The following PKHD1 variants were observed in gnomAD, a reference collection of about 807,000 sequenced individuals.
PKHD1 encodes the protein fibrocystin.
PKHD1 carries 291 observed loss-of-function variants against 412.0 expected under a neutral mutation model. The observed-to-expected ratio is 0.71, with a 90% CI of 0.64 to 0.78. The LOEUF is 0.78. Ranked by LOEUF, PKHD1 falls within the 30% of genes least tolerant of loss-of-function variation. The pLI is 0.00. For synonymous variants in PKHD1, 1,777 were observed against 1,821.5 expected, an observed-to-expected ratio of 0.98 and a Z score of 0.62; for missense variants, 4,825 against 4,950.7, an observed-to-expected ratio of 0.97 and a Z score of 0.76.
intron 64 of PKHD1, among the ~76,000 whole-genome samples, chr6:51,633,468 C>T (rs562304940): frequency 1.9e-4 from 29 of 152,180 alleles, no homozygotes; most frequent in Non-Finnish European, 4.1e-4. Flanking sequence ...CCCAAATGTC[C>T]TTGAGCAGGG....
At chr6:52,070,583 C>T (rs184333969) in intron 9 of PKHD1, 138 bp from the exon 10 acceptor site, 34 of 668,312 alleles carry the variant, frequency 5.1e-5, no homozygotes, top group East Asian at 4.8e-4. Context: ...GGTTCCCCCC[C>T]GCAAAAACAA....
At chr6:51,724,296 T>C (rs1024398151) in intron 60 of PKHD1, among the ~76,000 whole-genome samples, 1 of 152,172 alleles carries the variant, frequency 6.6e-6, no homozygotes, top group Non-Finnish European at 1.5e-5. Flanking sequence ...CAAACAATTA[T>C]CTAGTCTTTG....
chr6:51,753,484 GCTTTT>G, intron 56 of PKHD1, 131 bp from the exon 57 acceptor site: 2 of 751,918 alleles, frequency 2.7e-6, no homozygotes, highest in Non-Finnish European at 4.7e-6. Flanking sequence ...ATTAAGGTCT[GCTTTT>G]CCTGGGGCAT....
At chr6:52,033,841 C>T (rs2128165018) in intron 28 of PKHD1, among the ~76,000 whole-genome samples, 2 of 152,084 alleles carry the variant, frequency 1.3e-5, no homozygotes, top group Admixed American at 1.3e-4. Flanking sequence ...ATAAGAAAGA[C>T]ATGTTAGCCA....
Position 51,969,304 on chromosome 6 carries a change from G to A in PKHD1, c.5752-9278C>T, listed in dbSNP as rs964236563. ...GACAACCTGAATGAACTTGGAGGTA[G>A]ACCTTGAATTCCAGATGAGAATGTA... is the stretch of plus-strand genomic sequence containing the variant. On this transcript the variant is annotated intron_variant, in intron 35 of 66. Coordinates refer to ENST00000371117, the MANE Select transcript of PKHD1 (RefSeq NM_138694.4). Among the ~76,000 whole-genome samples, 62 of 152,204 alleles carry A rather than the reference G, an allele frequency of 4.1e-4. 1 individual carries two copies. The highest frequency in any genetic ancestry group is 3.1e-3 in the Admixed American group (48 of 15,278).
At chr6:51,786,731 T>C (rs568924685) in intron 53 of PKHD1, among the ~76,000 whole-genome samples, 1 of 152,184 alleles carries the variant, frequency 6.6e-6, no homozygotes, top group African/African-American at 2.4e-5. Flanking sequence ...GTCACACTAT[T>C]TTATTGAGAC....
Position 51,912,570 on chromosome 6 carries a change from A to G in PKHD1, c.6128T>C (p.Leu2043Pro). ...AAGACAGGTGACAATTACTTCTGGT[A>G]GTGAACCTAAAGCAGCCCGAGGAAA... ...RNGTLSLHGS[L>P]PEVIVTCLRA... Residue 2043 changes from leucine (L) to proline (P), a missense_variant, in exon 38 of 67, where the codon CTA (leucine) becomes CCA (proline). Coordinates refer to ENST00000371117, the MANE Select transcript of PKHD1 (RefSeq NM_138694.4). 1 of 1,610,430 alleles carries G rather than the reference A, an allele frequency of 6.2e-7. No homozygotes were observed. Among genetic ancestry groups the G allele is most frequent in the Non-Finnish European group, 8.5e-7 (1 of 1,176,904 alleles).
chr6:51,993,994 C>T (rs1157592665), intron 35 of PKHD1, among the ~76,000 whole-genome samples: 4 of 152,116 alleles, frequency 2.6e-5, no homozygotes, highest in Non-Finnish European at 5.9e-5. Flanking sequence ...ACCAAATAAG[C>T]TTAGGAAAGA....
At chr6:52,078,339 G>A (rs111981293) in intron 5 of PKHD1, among the ~76,000 whole-genome samples, 39 of 152,116 alleles carry the variant, frequency 2.6e-4, no homozygotes, top group African/African-American at 9.4e-4. Context: ...GCTGATCCTC[G>A]GGCCCCAGTG....
At chr6:52,021,643 T>TA (rs1801416651) in intron 33 of PKHD1, among the ~76,000 whole-genome samples, 1 of 152,184 alleles carries the variant, frequency 6.6e-6, no homozygotes, top group Non-Finnish European at 1.5e-5. Context: ...AATTTCCCAT[T>TA]GTGGACTCTA....
intron 59 of PKHD1, among the ~76,000 whole-genome samples, chr6:51,745,813 C>G (rs544278561): frequency 6.6e-6 from 1 of 152,022 alleles, no homozygotes; most frequent in African/African-American, 2.4e-5. Context: ...TATATCAGCC[C>G]GGGATAAGAC....
chr6:51,945,790 T>C (rs1160413145), intron 36 of PKHD1, among the ~76,000 whole-genome samples: 1 of 152,206 alleles, frequency 6.6e-6, no homozygotes, highest in Non-Finnish European at 1.5e-5. Flanking sequence ...GAGGCATTCA[T>C]ACCTATTCCA....
chr6:51,801,654 T>TGTGTGCGTGTGTGTGTGTGTGTGTGTGA (rs751203950), intron 52 of PKHD1, among the ~76,000 whole-genome samples: 1 of 114,210 alleles, frequency 8.8e-6, no homozygotes, highest in Non-Finnish European at 1.8e-5. Context: ...TGTGTGTGTG[T>TGTGTGCGTGTGTGTGTGTGTGTGTGTGA]GAGAGAGAGA....
At chr6:51,713,550 A>G (rs984271128) in intron 60 of PKHD1, among the ~76,000 whole-genome samples, 5 of 152,152 alleles carry the variant, frequency 3.3e-5, no homozygotes, top group Non-Finnish European at 7.4e-5. Flanking sequence ...TTGATAATCT[A>G]GCTTTGATTT....
chr6:51,960,863 C>T (rs146356460), intron 35 of PKHD1, among the ~76,000 whole-genome samples: 22 of 152,186 alleles, frequency 1.4e-4, no homozygotes, highest in Non-Finnish European at 2.8e-4. Flanking sequence ...TGATGTCATA[C>T]GTTTTTTAAA....
At chr6:52,018,541 G>T (rs143710498) in intron 33 of PKHD1, among the ~76,000 whole-genome samples, 1 of 152,054 alleles carries the variant, frequency 6.6e-6, no homozygotes, top group Non-Finnish European at 1.5e-5. Context: ...TATTTTTTGA[G>T]ACAGAGTTTC....
chr6:51,797,422 G>A (rs1190083551), intron 52 of PKHD1, among the ~76,000 whole-genome samples: 1 of 152,088 alleles, frequency 6.6e-6, no homozygotes, highest in African/African-American at 2.4e-5. Context: ...CACTATTATT[G>A]TGTGGGAATC....
At chr6:52,030,779 G>T (rs1257481710) in intron 29 of PKHD1, among the ~76,000 whole-genome samples, 1 of 152,184 alleles carries the variant, frequency 6.6e-6, no homozygotes, top group African/African-American at 2.4e-5. Flanking sequence ...GGCATCAGCG[G>T]CTTAGGGTAT....
At chr6:51,730,334 G>A (rs926615873) in intron 60 of PKHD1, among the ~76,000 whole-genome samples, 4 of 151,920 alleles carry the variant, frequency 2.6e-5, no homozygotes, top group South Asian at 2.1e-4. Flanking sequence ...GTAATTCCAT[G>A]GGGTTTTCCA....
Sources: gnomAD v4.1 joint callset for allele counts (sites outside exome capture counted in the v4.1 genomes callset) on GRCh38, gnomAD v4.1.1 for gene constraint, MANE v1.5 for transcripts, NCBI Gene and HGNC (gene_info 2026-07-23, HGNC 2026-07-21) for gene names.